The following KCNIP4 variants were observed in gnomAD, a reference collection of about 807,000 sequenced individuals.
KCNIP4 encodes the protein potassium voltage-gated channel interacting protein 4.
A neutral mutation model predicts 34.0 loss-of-function variants in KCNIP4; 12 were observed. The ratio of observed to expected loss-of-function variants is 0.35; its 90% confidence interval spans 0.23 to 0.57. KCNIP4 has a LOEUF of 0.57. KCNIP4 is among the 20% of genes least tolerant of loss of function. The probability of loss-of-function intolerance (pLI) is 0.83; values close to 1 mark genes in which losing one functional copy is unlikely to be tolerated. For missense variants in KCNIP4, 238 were observed against 311.7 expected, an observed-to-expected ratio of 0.76 and a Z score of 1.78; for synonymous variants, 124 against 102.2, an observed-to-expected ratio of 1.21 and a Z score of -1.29.
At chr4:21,247,214 A>C (rs976860862) in intron 1 of KCNIP4, among the ~76,000 whole-genome samples, 1 of 152,184 alleles carries the variant, frequency 6.6e-6, no homozygotes, top group African/African-American at 2.4e-5. Flanking sequence ...ACTTGTTTAT[A>C]GGTCACACAG....
At chr4:21,642,480 A>G (rs2109236862) in intron 1 of KCNIP4, among the ~76,000 whole-genome samples, 1 of 152,304 alleles carries the variant, frequency 6.6e-6, no homozygotes, top group Non-Finnish European at 1.5e-5. Context: ...TATACTTTGA[A>G]TCGATATCCA....
intron 1 of KCNIP4, among the ~76,000 whole-genome samples, chr4:21,738,020 A>AG (rs2109123184): frequency 6.6e-6 from 1 of 152,106 alleles, no homozygotes; most frequent in Non-Finnish European, 1.5e-5. Context: ...GGAACCTGGG[A>AG]GGTGGAGCTT....
At chr4:20,777,428 G>A (rs1355207587) in intron 3 of KCNIP4, among the ~76,000 whole-genome samples, 1 of 152,164 alleles carries the variant, frequency 6.6e-6, no homozygotes, top group African/African-American at 2.4e-5. Context: ...TGTATCAGGA[G>A]GTGATTAGGT....
chr4:21,537,784 C>A (rs563368740), intron 1 of KCNIP4, among the ~76,000 whole-genome samples: 1 of 151,936 alleles, frequency 6.6e-6, no homozygotes, highest in African/African-American at 2.4e-5. Context: ...GAGGCCAAGG[C>A]GGCCGGATCA....
In KCNIP4 at chr4:21,561,729, G is replaced by C. The variant is rs550454339; in HGVS notation, c.61+386842C>G. On this transcript the variant is annotated intron_variant, in intron 1 of 8. Transcript: ENST00000382152. ...CTTTACTAAGGAAAGAATGATAGAT[G>C]CATGGTAATTGAGGATTTACCTAGT... is the stretch of plus-strand genomic sequence containing the variant. Among the ~76,000 whole-genome samples the C allele has an allele frequency of 7.9e-5, 12 of 152,050 alleles. No homozygotes were observed. The East Asian group carries it at 2.3e-3, about 29-fold the overall frequency.
At chr4:21,545,223 G>A (rs1160276090) in intron 1 of KCNIP4, among the ~76,000 whole-genome samples, 5 of 151,888 alleles carry the variant, frequency 3.3e-5, no homozygotes, top group Non-Finnish European at 7.4e-5. Flanking sequence ...TCTAAAAAGG[G>A]GAGGAACACT....
chr4:20,761,651 T>C (rs147186080), intron 3 of KCNIP4, among the ~76,000 whole-genome samples: 3,198 of 152,236 alleles, frequency 0.021, 35 homozygotes, highest in Non-Finnish European at 0.028. Context: ...GAAGAGGACT[T>C]CAAGCAAAGG....
At chr4:21,912,775 G>C (rs540184895) in intron 1 of KCNIP4, among the ~76,000 whole-genome samples, 166 of 151,102 alleles carry the variant, frequency 1.1e-3, no homozygotes, top group African/African-American at 3.8e-3. Context: ...TGGAGAGGTA[G>C]AAGACAGATC....
At chr4:21,289,554 A>C (rs950369179) in intron 1 of KCNIP4, among the ~76,000 whole-genome samples, 3 of 152,188 alleles carry the variant, frequency 2.0e-5, no homozygotes, top group African/African-American at 7.2e-5. Flanking sequence ...GAAAGAGGAA[A>C]ATTATATGGA....
chr4:21,126,978 A>G (rs1750673254), intron 1 of KCNIP4, among the ~76,000 whole-genome samples: 1 of 152,176 alleles, frequency 6.6e-6, no homozygotes, highest in Non-Finnish European at 1.5e-5. Flanking sequence ...CAAGTCCTAA[A>G]TTCTCACCTG....
At chr4:21,568,370 G>C (rs1245505097) in intron 1 of KCNIP4, among the ~76,000 whole-genome samples, 1 of 152,136 alleles carries the variant, frequency 6.6e-6, no homozygotes, top group East Asian at 1.9e-4. Context: ...CAGGGACAAG[G>C]CTGTGTGAAC....
At chr4:21,549,018 C>G (rs185346230) in intron 1 of KCNIP4, among the ~76,000 whole-genome samples, 1 of 151,954 alleles carries the variant, frequency 6.6e-6, no homozygotes, top group East Asian at 1.9e-4. Context: ...ATGCTAGAAG[C>G]AGTCCCCTAG....
At chr4:21,639,625 C>A (rs996249791) in intron 1 of KCNIP4, among the ~76,000 whole-genome samples, 2 of 152,058 alleles carry the variant, frequency 1.3e-5, no homozygotes, top group African/African-American at 4.8e-5. Context: ...ATATAAACAA[C>A]TTCTAGGACA....
rs527869436 is a variant in KCNIP4, at chr4:21,527,537, A to G, written c.61+421034T>C. ...TTTTAATCAGTAAAATTGGACTAAA[A>G]CCTATCTAAGGATTAGTATAAATGT... On this transcript the variant is annotated intron_variant, in intron 1 of 8. Coordinates refer to ENST00000382152, the MANE Select transcript of KCNIP4 (RefSeq NM_025221.6). Among the ~76,000 whole-genome samples, 49 of 152,126 alleles carry G rather than the reference A, an allele frequency of 3.2e-4. 1 individual carries two copies. The highest frequency in any genetic ancestry group is 1.1e-3 in the African/African-American group (47 of 41,496).
intron 5 of KCNIP4, among the ~76,000 whole-genome samples, chr4:20,742,865 A>T (rs116625768): frequency 0.017 from 2,544 of 152,284 alleles, 76 homozygotes; most frequent in African/African-American, 0.058. Context: ...ACTTAAGCGA[A>T]GTCTCAGGGT....
At chr4:21,813,087 G>A (rs1394120456) in intron 1 of KCNIP4, among the ~76,000 whole-genome samples, 2 of 152,096 alleles carry the variant, frequency 1.3e-5, no homozygotes, top group Non-Finnish European at 2.9e-5. Flanking sequence ...AATCTGCAAA[G>A]TTTCCTGATA....
chr4:21,186,430 T>C (rs1015017719), intron 1 of KCNIP4, among the ~76,000 whole-genome samples: 5 of 152,080 alleles, frequency 3.3e-5, no homozygotes, highest in Admixed American at 6.5e-5. Context: ...AAAGTCGAAG[T>C]AGGGATGGAA....
intron 1 of KCNIP4, among the ~76,000 whole-genome samples, chr4:21,776,031 C>G (rs1719153184): frequency 6.6e-6 from 1 of 152,224 alleles, no homozygotes; most frequent in East Asian, 1.9e-4. Context: ...CTGCAAGAAT[C>G]TAACCATTCT....
At chr4:21,537,391 A>G (rs11734403) in intron 1 of KCNIP4, among the ~76,000 whole-genome samples, 26,760 of 152,104 alleles carry the variant, frequency 0.18, 2,740 homozygotes, top group Middle Eastern at 0.27. Flanking sequence ...AATACCTTTT[A>G]TCCATTAAAG....
Sources: gnomAD v4.1 joint callset for allele counts (sites outside exome capture counted in the v4.1 genomes callset) on GRCh38, gnomAD v4.1.1 for gene constraint, MANE v1.5 for transcripts, NCBI Gene and HGNC (gene_info 2026-07-23, HGNC 2026-07-21) for gene names.